Variants in LIN54 observed in about 807,000 individuals in gnomAD.
The protein encoded by LIN54 is protein lin-54 homolog.
A neutral mutation model predicts 78.7 loss-of-function variants in LIN54; 9 were observed. The ratio of observed to expected loss-of-function variants is 0.11; its 90% CI spans 0.07 to 0.20. The LOEUF (loss-of-function observed/expected upper bound fraction) is 0.20, where lower values mean the gene tolerates loss of function less well. Among genes scored for constraint, LIN54 ranks in the 10% least tolerant of loss-of-function variants. The probability of loss-of-function intolerance (pLI) is 1.00; values close to 1 mark genes in which losing one functional copy is unlikely to be tolerated. For missense variants in LIN54, 573 were observed against 889.9 expected, an observed-to-expected ratio of 0.64 and a Z score of 4.53; for synonymous variants, 269 against 318.4, an observed-to-expected ratio of 0.84 and a Z score of 1.65.
At chr4:82,983,014 T>G (rs1357129859) in intron 2 of LIN54, among the ~76,000 whole-genome samples, 1 of 151,228 alleles carries the variant, frequency 6.6e-6, no homozygotes, top group Non-Finnish European at 1.5e-5. Flanking sequence ...CTTGTTTTTT[T>G]TTTTTTTTTT....
intron 4 of LIN54, among the ~76,000 whole-genome samples, chr4:82,951,902 G>A (rs1723874524): frequency 6.6e-6 from 1 of 152,062 alleles, no homozygotes; most frequent in South Asian, 2.1e-4. Context: ...AATGGTGCTG[G>A]GAAAACTGAA....
Position 82,970,388 on chromosome 4 carries a change from A to G in LIN54, c.890T>C (p.Leu297Ser), listed in dbSNP as rs1481803617. The change falls in exon 4 of 13, where the codon TTA becomes TCA. Residue 297 changes from leucine (L) to serine (S), a missense_variant. This residue lies in a region of LIN54 where 199 missense variants were observed against 260.9 expected (regional missense o/e 0.76). Coordinates refer to ENST00000340417, the MANE Select transcript of LIN54 (RefSeq NM_194282.4). ...ISESGVIGST[L>S]NSTTQTPNKI... Reference sequence around the variant, plus strand: ...ATTTGGTGTCTGTGTTGTAGAATTTAAAGTTGATCCAATAACACCACTTTC... The same window carrying G: ...ATTTGGTGTCTGTGTTGTAGAATTTGAAGTTGATCCAATAACACCACTTTC... The G allele has an allele frequency of 2.5e-6, 4 of 1,613,342 alleles. No individual in the cohort carries two copies. In the East Asian group the frequency reaches 8.9e-5, roughly 36 times the overall value.
At chr4:83,002,786 T>C (rs936817805) in intron 1 of LIN54, among the ~76,000 whole-genome samples, 2 of 152,224 alleles carry the variant, frequency 1.3e-5, no homozygotes, top group African/African-American at 4.8e-5. Context: ...ATGTAATAAA[T>C]ATACAAAATA....
intron 3 of LIN54, among the ~76,000 whole-genome samples, chr4:82,973,930 G>GC (rs1560761358): frequency 6.6e-6 from 1 of 152,186 alleles, no homozygotes; most frequent in Non-Finnish European, 1.5e-5. Context: ...AAAAATAGGA[G>GC]CAGGGCACAG....
Position 82,974,197 on chromosome 4 carries a change from A to G in LIN54, c.809-3728T>C, listed in dbSNP as rs578234170. Among the ~76,000 whole-genome samples, 30 of 151,554 alleles carry G rather than the reference A, an allele frequency of 2.0e-4. No homozygotes were observed. In the South Asian group the frequency reaches 3.6e-3, roughly 18 times the overall value. ...TGCACTCCAGCCTGGGTGACAGAGC[A>G]AAACTCCCTCTCAAAAAAACAAACA... On this transcript the variant is annotated intron_variant, in intron 3 of 12. Transcript: ENST00000340417.
In LIN54 at chr4:82,928,093, G is replaced by A; in HGVS notation, c.*9C>T. ...GTACAGTTCCATTTATCAGTCTTTT[G>A]TGCAAGAGTTAGCAATTCATGGCAC... On this transcript the variant is annotated 3_prime_UTR_variant, in exon 13 of 13. Coordinates refer to ENST00000340417, the MANE Select transcript of LIN54 (RefSeq NM_194282.4). 6.2e-7 allele frequency: 1 copy of A among 1,612,394 alleles called. No homozygotes were observed. Among genetic ancestry groups the A allele is most frequent in the Non-Finnish European group, 8.5e-7 (1 of 1,178,410 alleles).
chr4:82,955,472 T>G (rs1724232497), intron 4 of LIN54, among the ~76,000 whole-genome samples: 3 of 151,114 alleles, frequency 2.0e-5, no homozygotes, highest in Non-Finnish European at 4.4e-5. Flanking sequence ...AAACACATGG[T>G]AAAAGGCAAC....
intron 1 of LIN54, among the ~76,000 whole-genome samples, chr4:83,005,720 G>C (rs1225601013): frequency 2.0e-5 from 3 of 151,966 alleles, no homozygotes; most frequent in African/African-American, 7.3e-5. Flanking sequence ...TTCAGCTGTA[G>C]AAAGCATCTT....
chr4:82,959,578 A>G (rs1170507264), intron 4 of LIN54, among the ~76,000 whole-genome samples: 1 of 152,198 alleles, frequency 6.6e-6, no homozygotes, highest in Non-Finnish European at 1.5e-5. Flanking sequence ...TGATGGAGTT[A>G]ACAATACAAT....
Position 82,931,160 on chromosome 4 carries a change from T to A in LIN54, c.1846-15A>T. ...ATTATTTTTGCCTAAAAGATTTACA[T>A]AAGAAAAGTTTCCAAATCAAAACCA... is the stretch of plus-strand genomic sequence containing the variant. On this transcript the variant is annotated splice_polypyrimidine_tract_variant and intron_variant, in intron 11 of 12. Transcript: ENST00000340417. The A allele has an allele frequency of 6.2e-7, 1 of 1,610,228 alleles. No individual in the cohort carries two copies.
chr4:82,967,913 C>G (rs1725335670), intron 4 of LIN54, among the ~76,000 whole-genome samples: 6 of 152,234 alleles, frequency 3.9e-5, no homozygotes, highest in Admixed American at 3.9e-4. Flanking sequence ...CTCTTCTCCA[C>G]CGCGAATCCC....
At chr4:82,950,443 CA>C (rs1194659766) in intron 4 of LIN54, among the ~76,000 whole-genome samples, 4 of 152,190 alleles carry the variant, frequency 2.6e-5, no homozygotes, top group Admixed American at 2.6e-4. Context: ...GGATTTTACA[CA>C]TTTCATTGCT....
chr4:82,936,987 GC>G (rs1309665906), intron 9 of LIN54, among the ~76,000 whole-genome samples: 2 of 152,154 alleles, frequency 1.3e-5, no homozygotes, highest in African/African-American at 4.8e-5. Context: ...GTCTCATGCT[GC>G]TATGTCCCTA....
At chr4:82,958,254 A>T (rs1724500601) in intron 4 of LIN54, among the ~76,000 whole-genome samples, 1 of 152,192 alleles carries the variant, frequency 6.6e-6, no homozygotes, top group Non-Finnish European at 1.5e-5. Context: ...TATACAGATG[A>T]TTATTCTACA....
chr4:82,983,684 G>C (rs1328166820), intron 2 of LIN54, among the ~76,000 whole-genome samples: 2 of 152,028 alleles, frequency 1.3e-5, no homozygotes, highest in African/African-American at 4.8e-5. Flanking sequence ...GCAATGAACA[G>C]TAAACTCCAA....
intron 3 of LIN54, among the ~76,000 whole-genome samples, chr4:82,974,047 A>AAAC (rs1396958806): frequency 1.3e-5 from 2 of 152,010 alleles, no homozygotes; most frequent in Non-Finnish European, 2.9e-5. Flanking sequence ...CATCTCTACT[A>AAAC]AAAATACAAA....
chr4:82,998,874 A>G (rs148040914), intron 1 of LIN54, among the ~76,000 whole-genome samples: 2 of 152,266 alleles, frequency 1.3e-5, no homozygotes, highest in Non-Finnish European at 2.9e-5. Flanking sequence ...ATAATTTACT[A>G]CCATAAAATA....
At chr4:82,940,739 A>C (rs1254236597) in intron 5 of LIN54, among the ~76,000 whole-genome samples, 1 of 152,264 alleles carries the variant, frequency 6.6e-6, no homozygotes, top group East Asian at 1.9e-4. Flanking sequence ...ACTAAAAGGC[A>C]GCACAGCAAA....
At position 82,997,877 on chromosome 4, in the gene LIN54, C is replaced by A. The variant is rs184769683; in HGVS notation, c.-33+12607G>T. On this transcript the variant is annotated intron_variant, in intron 1 of 12. Transcript: ENST00000340417. ...GGCATGGTGGTGCGCTCCTATAATC[C>A]CAGCTACTTGAGAGGCTGAGGCAGG... Among the ~76,000 whole-genome samples, 398 of 151,202 alleles carry A rather than the reference C, an allele frequency of 2.6e-3. 2 individuals are homozygous for A. Among genetic ancestry groups the A allele is most frequent in the African/African-American group, 9.0e-3 (373 of 41,242 alleles).
Sources: allele counts gnomAD v4.1 joint callset (sites outside exome capture counted in the v4.1 genomes callset), GRCh38; gene constraint gnomAD v4.1.1; regional missense constraint gnomAD v4.1.1; transcripts MANE v1.5; gene names NCBI Gene and HGNC (gene_info 2026-07-23, HGNC 2026-07-21).